The following TTC8 variants were observed in gnomAD, a reference collection of about 807,000 sequenced individuals.
The protein encoded by TTC8 is tetratricopeptide repeat domain 8, also known as tetratricopeptide repeat protein 8.
In TTC8, 47 loss-of-function variants were observed where a neutral mutation model predicts 72.5. The ratio of observed to expected loss-of-function variants is 0.65; its 90% CI spans 0.51 to 0.83. The LOEUF is 0.83. Among genes scored for constraint, TTC8 ranks in the 40% least tolerant of loss-of-function variants. The probability of loss-of-function intolerance (pLI) is 0.00; values close to 1 mark genes in which losing one functional copy is unlikely to be tolerated. For missense variants in TTC8, 611 were observed against 623.2 expected (o/e 0.98, Z 0.21); for synonymous variants, 199 against 221.4 (o/e 0.90, Z 0.90).
intron 13 of TTC8, among the ~76,000 whole-genome samples, chr14:88,874,235 A>G (rs956277370): frequency 1.3e-5 from 2 of 152,172 alleles, no homozygotes; most frequent in Admixed American, 6.5e-5. Context: ...CTTTCATTCT[A>G]TATTAGCTTG....
In TTC8 at chr14:88,877,531, T is replaced by C; in HGVS notation, c.*121T>C. Reference sequence around the variant, plus strand: ...TATTTTAACAAACCTGTCCTTGATATTAGTTAAGGTGACACATAAGGGTGA... The same window carrying C: ...TATTTTAACAAACCTGTCCTTGATACTAGTTAAGGTGACACATAAGGGTGA... On this transcript the variant is annotated 3_prime_UTR_variant, in exon 15 of 15. Coordinates refer to ENST00000380656, the MANE Select transcript of TTC8 (RefSeq NM_144596.4). 2.5e-6 allele frequency: 2 copies of C among 808,924 alleles called. No individual in the cohort carries two copies. The highest frequency in any genetic ancestry group is 4.3e-6 in the Non-Finnish European group (2 of 462,682). 50.1% of individuals were successfully genotyped at this position (808,924 alleles called of 1,614,324 possible).
chr14:88,830,473 A>G (rs1196992330), intron 1 of TTC8, among the ~76,000 whole-genome samples: 1 of 152,232 alleles, frequency 6.6e-6, no homozygotes, highest in Non-Finnish European at 1.5e-5. Context: ...TTGAATAAGT[A>G]TGATAATATA....
chr14:88,866,531 A>G (rs1315609879), intron 10 of TTC8, among the ~76,000 whole-genome samples: 3 of 152,084 alleles, frequency 2.0e-5, no homozygotes, highest in African/African-American at 7.2e-5. Context: ...CACAGTGGCC[A>G]TTGACCCTCT....
At chr14:88,861,455 A>G in intron 10 of TTC8, 123 bp downstream of exon 10, 1 of 677,018 alleles carries the variant, frequency 1.5e-6, no homozygotes, top group Non-Finnish European at 2.6e-6. Flanking sequence ...TAATTGAGTT[A>G]TCTATCACCT....
intron 8 of TTC8, among the ~76,000 whole-genome samples, chr14:88,854,698 T>A (rs1376146494): frequency 1.3e-5 from 2 of 152,178 alleles, no homozygotes; most frequent in Non-Finnish European, 2.9e-5. Context: ...TTTATTATAT[T>A]TTTTAGAGAT....
chr14:88,852,951 A>G lies in TTC8; in HGVS notation c.625-20A>G. 1.2e-6 allele frequency: 2 copies of G among 1,602,246 alleles called. No homozygotes were observed. Among genetic ancestry groups the G allele is most frequent in the African/African-American group, 1.3e-5 (1 of 74,820 alleles). On this transcript the variant is annotated intron_variant, in intron 7 of 14. Coordinates refer to ENST00000380656, the MANE Select transcript of TTC8 (RefSeq NM_144596.4). ...TTGTTAGAAAAGAAAATACTAATCT[A>G]AAATGAATTGTTTTCAAAGGCTTTG...
chr14:88,860,285 G>A (rs1171859080), intron 9 of TTC8, among the ~76,000 whole-genome samples: 1 of 151,854 alleles, frequency 6.6e-6, no homozygotes, highest in Admixed American at 6.6e-5. Flanking sequence ...TTACTGTTTA[G>A]AAAGTGGATC....
At chr14:88,854,974 A>G (rs1217215045) in intron 8 of TTC8, among the ~76,000 whole-genome samples, 1 of 152,236 alleles carries the variant, frequency 6.6e-6, no homozygotes, top group African/African-American at 2.4e-5. Context: ...GGCATTAGCC[A>G]TTGAATCCTG....
intron 8 of TTC8, among the ~76,000 whole-genome samples, chr14:88,853,758 G>A (rs956700984): frequency 1.3e-5 from 2 of 152,166 alleles, no homozygotes; most frequent in Non-Finnish European, 2.9e-5. Context: ...GAGATCAGAA[G>A]AGTCGTAATG....
intron 1 of TTC8, among the ~76,000 whole-genome samples, chr14:88,825,395 A>C (rs546237445): frequency 2.0e-5 from 3 of 152,328 alleles, no homozygotes; most frequent in African/African-American, 7.2e-5. Context: ...TTATTTAAAA[A>C]ATTACCTAGG....
rs560559918 is a variant in TTC8, at chr14:88,874,800, T to C, written c.1348-226T>C. ...TTCAGTTCTCTTATTTTCTGTGTCT[T>C]ATGAAGCATTTATTATTAACATAAT... is the stretch of plus-strand genomic sequence containing the variant. On this transcript the variant is annotated intron_variant, in intron 13 of 14. Transcript: ENST00000380656. Among the ~76,000 whole-genome samples, 358 of 152,288 alleles carry C rather than the reference T, an allele frequency of 2.4e-3. 1 individual carries two copies. Among genetic ancestry groups the C allele is most frequent in the Non-Finnish European group, 4.2e-3 (288 of 67,984 alleles).
chr14:88,866,659 A>G (rs1214940408), intron 10 of TTC8, among the ~76,000 whole-genome samples: 1 of 152,068 alleles, frequency 6.6e-6, no homozygotes, highest in Non-Finnish European at 1.5e-5. Context: ...AACTTAATTA[A>G]CCATCTATAC....
intron 7 of TTC8, 26 bp downstream of exon 7, chr14:88,843,876 C>G: frequency 6.7e-7 from 1 of 1,502,910 alleles, no homozygotes; most frequent in Non-Finnish European, 9.2e-7. Flanking sequence ...ATGCTATTTT[C>G]TTTTATTGTA....
At chr14:88,828,620 A>C (rs2094712445) in intron 1 of TTC8, among the ~76,000 whole-genome samples, 1 of 152,154 alleles carries the variant, frequency 6.6e-6, no homozygotes, top group African/African-American at 2.4e-5. Flanking sequence ...CCATTACAAA[A>C]GATAGTTTTT....
Position 88,850,702 on chromosome 14 carries a change from G to T in TTC8, c.625-2269G>T, listed in dbSNP as rs938979228. Among the ~76,000 whole-genome samples, 13 of 152,228 alleles carry T rather than the reference G, an allele frequency of 8.5e-5. 1 individual carries two copies. Among genetic ancestry groups the T allele is most frequent in the Admixed American group, 4.6e-4 (7 of 15,284 alleles). On this transcript the variant is annotated intron_variant, in intron 7 of 14. Coordinates refer to ENST00000380656, the MANE Select transcript of TTC8 (RefSeq NM_144596.4). ...AGACTGTATCAAAAAAGAAAGGAAA[G>T]AAATTGTCACAAATGTTTTTCTTTA...
chr14:88,825,041 C>G (rs567301224), intron 1 of TTC8, among the ~76,000 whole-genome samples: 2 of 152,326 alleles, frequency 1.3e-5, no homozygotes, highest in African/African-American at 4.8e-5. Context: ...CATGACCGCC[C>G]CCTCCTCACA....
chr14:88,849,723 T>C, intron 7 of TTC8, among the ~76,000 whole-genome samples: 1 of 152,148 alleles, frequency 6.6e-6, no homozygotes, highest in Non-Finnish European at 1.5e-5. Flanking sequence ...ATAGGAAGAA[T>C]ACTGTAGAGA....
rs374742528 is a variant in TTC8 at position 88,872,367 on chromosome 14, G to C, written c.1262G>C (p.Arg421Thr). Reference sequence around the variant, plus strand: ...ACAAATTTGGCCCATCAGTGCTTCAGGCTGGCTCTGGTCAACAACAACAAC... The same window carrying C: ...ACAAATTTGGCCCATCAGTGCTTCACGCTGGCTCTGGTCAACAACAACAAC... ...GDTNLAHQCF[R>T]LALVNNNNHA... Residue 421 changes from arginine to threonine, a missense_variant, in exon 13 of 15, where the codon AGG (arginine) becomes ACG (threonine). Arg to Thr is a moderately conservative substitution (Grantham distance 71). Transcript: ENST00000380656. The C allele has an allele frequency of 3.6e-5, 58 of 1,613,930 alleles. No homozygotes were observed. The African/African-American group carries it at 6.8e-4, about 19-fold the overall frequency.
chr14:88,840,584 C>T (rs2094775429), intron 3 of TTC8, among the ~76,000 whole-genome samples: 1 of 152,042 alleles, frequency 6.6e-6, no homozygotes, highest in Admixed American at 6.5e-5. Flanking sequence ...TAAATCCCAG[C>T]CCTACTAATA....
Sources: gnomAD v4.1 joint callset for allele counts (sites outside exome capture counted in the v4.1 genomes callset) on GRCh38, gnomAD v4.1.1 for gene constraint, MANE v1.5 for transcripts, NCBI Gene and HGNC (gene_info 2026-07-23, HGNC 2026-07-21) for gene names.